AMBRA1: variants seen among roughly 807,000 people sequenced by gnomAD.
AMBRA1 encodes the protein autophagy and beclin 1 regulator 1.
AMBRA1 carries 47 observed loss-of-function variants against 125.4 expected under a neutral mutation model. That is an observed-to-expected ratio of 0.37 (90% CI 0.30 to 0.48). The LOEUF (loss-of-function observed/expected upper bound fraction) is 0.48, where lower values mean the gene tolerates loss of function less well. Ranked by LOEUF, AMBRA1 falls within the 20% of genes least tolerant of loss-of-function variation. AMBRA1 has a pLI of 0.99. For synonymous variants in AMBRA1, 626 were observed against 655.5 expected, an observed-to-expected ratio of 0.95 and a Z score of 0.69; for missense variants, 1,331 against 1,693.4, an observed-to-expected ratio of 0.79 and a Z score of 3.76.
intron 11 of AMBRA1, among the ~76,000 whole-genome samples, chr11:46,471,009 A>G (rs1949564526): frequency 6.6e-6 from 1 of 152,206 alleles, no homozygotes; most frequent in African/African-American, 2.4e-5. Context: ...GGCATGGAAA[A>G]TGTTGCATGG....
chr11:46,487,244 C>T (rs1357177804), intron 11 of AMBRA1, among the ~76,000 whole-genome samples: 3 of 148,314 alleles, frequency 2.0e-5, no homozygotes, highest in South Asian at 2.2e-4. Context: ...GGCAACAGAG[C>T]GAGACCCCAT....
chr11:46,411,371 C>T (rs925556441), intron 15 of AMBRA1, among the ~76,000 whole-genome samples: 3 of 152,140 alleles, frequency 2.0e-5, no homozygotes, highest in Admixed American at 1.3e-4. Flanking sequence ...CCAGGCAGGG[C>T]CTGGAAGACG....
At chr11:46,536,317 TG>T (rs1292468286) in intron 7 of AMBRA1, among the ~76,000 whole-genome samples, 1 of 152,162 alleles carries the variant, frequency 6.6e-6, no homozygotes, top group Non-Finnish European at 1.5e-5. Context: ...TTTTCTGTCA[TG>T]GGTGCAATAT....
At chr11:46,534,436 A>G (rs1023489613) in intron 7 of AMBRA1, among the ~76,000 whole-genome samples, 3 of 152,258 alleles carry the variant, frequency 2.0e-5, no homozygotes, top group Middle Eastern at 6.8e-3. Context: ...CGGAGGTTAC[A>G]GTGAGCCCAG....
chr11:46,565,316 T>C (rs371855137), intron 1 of AMBRA1, among the ~76,000 whole-genome samples: 17 of 151,006 alleles, frequency 1.1e-4, no homozygotes, highest in African/African-American at 2.7e-4. Context: ...TCTGTTTTCC[T>C]TTTTTTTTAA....
intron 5 of AMBRA1, among the ~76,000 whole-genome samples, chr11:46,545,046 G>C (rs1056232838): frequency 1.3e-5 from 2 of 150,768 alleles, no homozygotes; most frequent in Non-Finnish European, 3.0e-5. Context: ...AGGATTGCTT[G>C]GGCCCATGAG....
intron 8 of AMBRA1, among the ~76,000 whole-genome samples, chr11:46,509,069 A>AT (rs1172625104): frequency 2.6e-5 from 4 of 152,250 alleles, no homozygotes; most frequent in East Asian, 1.9e-4. Context: ...AATAAAAGAG[A>AT]TTTTTTTCTA....
intron 1 of AMBRA1, among the ~76,000 whole-genome samples, chr11:46,566,602 A>G (rs756741607): frequency 5.3e-5 from 8 of 152,170 alleles, no homozygotes; most frequent in Non-Finnish European, 1.0e-4. Context: ...CCGGGGGGTG[A>G]GGATTGAGCT....
chr11:46,585,695 A>AAATATATATATATATATATAT (rs1555017410), intron 1 of AMBRA1, among the ~76,000 whole-genome samples: 1 of 22,916 alleles, frequency 4.4e-5, no homozygotes, highest in Non-Finnish European at 8.0e-5. Flanking sequence ...AAAAAAAAAA[A>AAATATATATATATATATATAT]ATATATATAT....
At chr11:46,477,321 C>CTT (rs1007078980) in intron 11 of AMBRA1, among the ~76,000 whole-genome samples, 2 of 142,384 alleles carry the variant, frequency 1.4e-5, no homozygotes, top group African/African-American at 2.6e-5. Context: ...AAAGATACTT[C>CTT]TTTTTTTTTT....
intron 17 of AMBRA1, among the ~76,000 whole-genome samples, chr11:46,399,728 C>T (rs1376366832): frequency 1.3e-5 from 2 of 152,196 alleles, no homozygotes; most frequent in African/African-American, 4.8e-5. Flanking sequence ...CCCTTTACCC[C>T]CCAGTCTTCA....
intron 11 of AMBRA1, among the ~76,000 whole-genome samples, chr11:46,484,722 A>ACTGCAAGCTCCGCCTCC (rs1271378125): frequency 6.7e-6 from 1 of 148,636 alleles, no homozygotes; most frequent in Non-Finnish European, 1.5e-5. Context: ...TCTCTGGCTC[A>ACTGCAAGCTCCGCCTCC]CTGCAAGCTC....
chr11:46,508,131 A>G, intron 9 of AMBRA1, 60 bp downstream of exon 9: 1 of 1,577,318 alleles, frequency 6.3e-7, no homozygotes, highest in East Asian at 2.2e-5. Flanking sequence ...ACAGTGGCCA[A>G]CTTGGAAGCA....
chr11:46,408,387 G>T, intron 17 of AMBRA1, 126 bp downstream of exon 17: 1 of 1,021,632 alleles, frequency 9.8e-7, no homozygotes, highest in Non-Finnish European at 1.3e-6. Context: ...CTGCTGAGGA[G>T]GCTCTTAATG....
chr11:46,466,165 G>A (rs1011473631), intron 11 of AMBRA1, among the ~76,000 whole-genome samples: 3 of 152,286 alleles, frequency 2.0e-5, no homozygotes, highest in South Asian at 2.1e-4. Context: ...ATCCAGTTGG[G>A]AAGATAGGAC....
rs994063687 is a variant in AMBRA1, at chr11:46,593,291, T to C, written c.-121+537A>G. On this transcript the variant is annotated intron_variant, in intron 1 of 17. Coordinates refer to ENST00000683756, the MANE Select transcript of AMBRA1 (RefSeq NM_001387011.1). ...AAGTGACTTACAGTGAATTTAATGA[T>C]CTGTTGGGGATATGTGGGGAAGTCA... 2.0e-5 allele frequency among the ~76,000 whole-genome samples: 3 copies of C among 152,128 alleles called. No homozygotes were observed. In the East Asian group the frequency reaches 5.8e-4, roughly 29 times the overall value.
intron 9 of AMBRA1, chr11:46,495,031 A>T (rs1225953893): frequency 6.6e-6 from 1 of 152,244 alleles, no homozygotes; most frequent in Admixed American, 6.5e-5. Context: ...CATAACTAGT[A>T]AGTGGTTAAG....
intron 11 of AMBRA1, among the ~76,000 whole-genome samples, chr11:46,475,268 A>G (rs1949772554): frequency 6.6e-6 from 1 of 152,230 alleles, no homozygotes; most frequent in African/African-American, 2.4e-5. Context: ...GTTTCCTTAC[A>G]AGAAAGTAGT....
At position 46,412,895 on chromosome 11, in the gene AMBRA1, G is replaced by C. The variant is rs1172286125; in HGVS notation, c.3117-2527C>G. Among the ~76,000 whole-genome samples the C allele has an allele frequency of 2.0e-5, 3 of 152,352 alleles. No homozygotes were observed. The East Asian group carries it at 5.8e-4, about 29-fold the overall frequency. On this transcript the variant is annotated intron_variant, in intron 15 of 17. Coordinates refer to ENST00000683756, the MANE Select transcript of AMBRA1 (RefSeq NM_001387011.1). ...AAATCCTGTCTGTGTTAGATACTAT[G>C]TGAAGCTGGCTGCCAGGAAGACTGA...
Sources: allele counts gnomAD v4.1 joint callset (sites outside exome capture counted in the v4.1 genomes callset), GRCh38; gene constraint gnomAD v4.1.1; transcripts MANE v1.5; gene names NCBI Gene and HGNC (gene_info 2026-07-23, HGNC 2026-07-21).